The following BTRC variants were observed in gnomAD, a reference collection of about 807,000 sequenced individuals.
BTRC encodes the protein F-box/WD repeat-containing protein 1A.
BTRC carries 42 observed loss-of-function variants against 85.5 expected under a neutral mutation model. That is an observed-to-expected ratio of 0.49 (90% CI 0.38 to 0.64). The LOEUF (loss-of-function observed/expected upper bound fraction) is 0.64. Among genes scored for constraint, BTRC ranks in the 30% least tolerant of loss-of-function variants. The pLI is 0.00. For synonymous variants in BTRC, 255 were observed against 263.3 expected (o/e 0.97, Z 0.30); for missense variants, 594 against 743.5 (o/e 0.80, Z 2.34).
chr10:101,413,001 G>A (rs577080732), intron 1 of BTRC, among the ~76,000 whole-genome samples: 2 of 152,304 alleles, frequency 1.3e-5, no homozygotes, highest in South Asian at 4.1e-4. Flanking sequence ...AGTTATAGAA[G>A]AAATAGTTGA....
At chr10:101,485,863 A>C (rs1244635581) in intron 4 of BTRC, among the ~76,000 whole-genome samples, 3 of 152,166 alleles carry the variant, frequency 2.0e-5, no homozygotes, top group Non-Finnish European at 4.4e-5. Context: ...AGAGGGATGA[A>C]AGAAGAAAGT....
chr10:101,458,276 C>T (rs76319603), intron 2 of BTRC, among the ~76,000 whole-genome samples: 2,068 of 152,140 alleles, frequency 0.014, 44 homozygotes, highest in African/African-American at 0.048. Flanking sequence ...AGGTTACGTA[C>T]GATATAATTC....
At chr10:101,415,778 C>T (rs1007512706) in intron 1 of BTRC, among the ~76,000 whole-genome samples, 1 of 151,558 alleles carries the variant, frequency 6.6e-6, no homozygotes, top group Non-Finnish European at 1.5e-5. Context: ...TGACCTCAGG[C>T]GATCTGCCCG....
intron 4 of BTRC, among the ~76,000 whole-genome samples, chr10:101,482,953 C>T (rs559555499): frequency 1.3e-5 from 2 of 152,260 alleles, no homozygotes; most frequent in East Asian, 3.9e-4. Context: ...GTGATATCAA[C>T]CATTTTTGTC....
At chr10:101,391,093 T>C (rs1361569506) in intron 1 of BTRC, among the ~76,000 whole-genome samples, 1 of 152,206 alleles carries the variant, frequency 6.6e-6, no homozygotes, top group Non-Finnish European at 1.5e-5. Context: ...TGATATGGAA[T>C]ACAATCTGAT....
chr10:101,375,934 AG>A (rs1942779911), intron 1 of BTRC, among the ~76,000 whole-genome samples: 2 of 151,444 alleles, frequency 1.3e-5, no homozygotes, highest in Non-Finnish European at 2.9e-5. Flanking sequence ...GTATCAACAC[AG>A]GGGAAGTGGG....
At chr10:101,481,526 C>G (rs1945833117) in intron 4 of BTRC, among the ~76,000 whole-genome samples, 1 of 151,060 alleles carries the variant, frequency 6.6e-6, no homozygotes, top group Non-Finnish European at 1.5e-5. Context: ...GATCTCTAAT[C>G]TAAATAGGTT....
rs1262691616 is a variant in BTRC, at chr10:101,556,399, T to G, written c.*3276T>G. 1 of 152,208 alleles carries G rather than the reference T, an allele frequency of 6.6e-6. No individual in the cohort carries two copies. The highest frequency in any genetic ancestry group is 2.4e-5 in the African/African-American group (1 of 41,436). The allele number at this position is 152,208 out of a possible 1,614,324, so 9.4% of individuals were successfully genotyped here. A position where few individuals can be genotyped will look rare whatever the true frequency, so the allele number is the denominator to read the frequency against. On this transcript the variant is annotated 3_prime_UTR_variant, in exon 15 of 15. Transcript: ENST00000370187. ...GAAATAATCAGGGCAATTTTTTTCTTTCCCATAATTGGACTAGATACCTTG... is the reference window on the plus strand; with the variant it reads ...GAAATAATCAGGGCAATTTTTTTCTGTCCCATAATTGGACTAGATACCTTG...
intron 6 of BTRC, among the ~76,000 whole-genome samples, chr10:101,527,779 C>G (rs1365349454): frequency 6.9e-6 from 1 of 144,340 alleles, no homozygotes; most frequent in Non-Finnish European, 1.6e-5. Flanking sequence ...CTCTCTCTCT[C>G]TCTCTCTCTC....
intron 1 of BTRC, among the ~76,000 whole-genome samples, chr10:101,418,736 C>T (rs1944016087): frequency 6.6e-6 from 1 of 151,738 alleles, no homozygotes; most frequent in Non-Finnish European, 1.5e-5. Context: ...GGTACATGTG[C>T]AGGATGTGCA....
In BTRC at chr10:101,504,264, G is replaced by A. The variant is rs185720514; in HGVS notation, c.325-17375G>A. Reference sequence around the variant, plus strand: ...CATTAAGTAGTGGTTTTAAAAAATAGTTTTTTATCTCCTCTCCCTCTTGAT... The same window carrying A: ...CATTAAGTAGTGGTTTTAAAAAATAATTTTTTATCTCCTCTCCCTCTTGAT... On this transcript the variant is annotated intron_variant, in intron 4 of 14. Coordinates refer to ENST00000370187, the MANE Select transcript of BTRC (RefSeq NM_033637.4). Among the ~76,000 whole-genome samples, 396 of 152,270 alleles carry A rather than the reference G, an allele frequency of 2.6e-3. 2 individuals are homozygous for A. Among genetic ancestry groups the A allele is most frequent in the African/African-American group, 8.0e-3 (334 of 41,568 alleles).
At chr10:101,521,549 A>G (rs1379713956) in intron 4 of BTRC, 90 bp from the exon 5 acceptor site, 5 of 917,962 alleles carry the variant, frequency 5.4e-6, no homozygotes, top group Admixed American at 2.4e-5. Flanking sequence ...TCATGTAGAC[A>G]TAATATAGCA....
chr10:101,427,670 A>C (rs1390629039), intron 1 of BTRC, among the ~76,000 whole-genome samples: 1 of 151,806 alleles, frequency 6.6e-6, no homozygotes, highest in East Asian at 1.9e-4. Context: ...CTAGGACCAC[A>C]GGCATGTGCC....
intron 1 of BTRC, among the ~76,000 whole-genome samples, chr10:101,367,023 TTTATATATTTATATATATAA>T (rs1942471561): frequency 3.0e-5 from 2 of 65,764 alleles, no homozygotes; most frequent in African/African-American, 9.9e-5. Context: ...TATATTTATA[TTTATATATTTATATATATAA>T]ATATATATAT....
intron 4 of BTRC, among the ~76,000 whole-genome samples, chr10:101,498,484 A>G (rs1415743731): frequency 6.6e-6 from 1 of 152,078 alleles, no homozygotes; most frequent in East Asian, 1.9e-4. Flanking sequence ...TCTAAATCAC[A>G]TCATAACTCT....
chr10:101,463,956 AAAAC>A (rs1945298187), intron 3 of BTRC, among the ~76,000 whole-genome samples: 2 of 152,066 alleles, frequency 1.3e-5, no homozygotes, highest in African/African-American at 2.4e-5. Flanking sequence ...TTTAAAAAAA[AAAAC>A]AAACAAAAAT....
intron 3 of BTRC, among the ~76,000 whole-genome samples, chr10:101,463,687 A>G (rs918986761): frequency 6.6e-6 from 1 of 152,124 alleles, no homozygotes; most frequent in Non-Finnish European, 1.5e-5. Context: ...CAATTTATAG[A>G]TGAAGAAAAT....
At chr10:101,432,717 A>G (rs10786636) in intron 2 of BTRC, among the ~76,000 whole-genome samples, 55,428 of 152,022 alleles carry the variant, frequency 0.36, 11,133 homozygotes, top group Middle Eastern at 0.49. Context: ...TTATTACAGG[A>G]AAAGGACACA....
chr10:101,453,191 A>G (rs1258603335), intron 2 of BTRC, among the ~76,000 whole-genome samples: 2 of 152,220 alleles, frequency 1.3e-5, no homozygotes, highest in Non-Finnish European at 2.9e-5. Flanking sequence ...CCAATTACTA[A>G]TTTACCATTG....
Sources: allele counts gnomAD v4.1 joint callset (sites outside exome capture counted in the v4.1 genomes callset), GRCh38; gene constraint gnomAD v4.1.1; transcripts MANE v1.5; gene names NCBI Gene and HGNC (gene_info 2026-07-23, HGNC 2026-07-21).